The following NSA2 variants were observed in gnomAD, a reference collection of about 807,000 sequenced individuals.
The protein encoded by NSA2 is ribosome biogenesis protein NSA2 homolog.
In NSA2, 18 loss-of-function variants were observed where a neutral mutation model predicts 34.8. That is an observed-to-expected ratio of 0.52 (90% CI 0.36 to 0.77). NSA2 has a LOEUF of 0.77. Ranked by LOEUF, NSA2 falls within the 30% of genes least tolerant of loss-of-function variation. The probability of loss-of-function intolerance (pLI) is 0.00; values close to 1 mark genes in which losing one functional copy is unlikely to be tolerated. For synonymous variants in NSA2, 79 were observed against 100.2 expected, an observed-to-expected ratio of 0.79 and a Z score of 1.26; for missense variants, 188 against 314.7, an observed-to-expected ratio of 0.60 and a Z score of 3.05.
At chr5:74,774,436 T>G (rs1300889811) in intron 5 of NSA2, among the ~76,000 whole-genome samples, 1 of 151,776 alleles carries the variant, frequency 6.6e-6, no homozygotes, top group Non-Finnish European at 1.5e-5. Flanking sequence ...ACCCCACCTC[T>G]ACTAAAAATA....
intron 4 of NSA2, among the ~76,000 whole-genome samples, chr5:74,771,220 C>T (rs533957488): frequency 4.4e-4 from 66 of 150,492 alleles, no homozygotes; most frequent in Non-Finnish European, 8.4e-4. Flanking sequence ...GCGGAGGTTG[C>T]AGTGAGCTGA....
chr5:74,779,621 CTTT>C lies in NSA2; in HGVS notation c.*2960_*2962del, dbSNP rs1226349220. ...GGTAGATTCACTAATAGTAGTCATACTTTTTTTTTTTTACTTAGTATTAGCATT... is the reference window on the plus strand; with the variant it reads ...GGTAGATTCACTAATAGTAGTCATACTTTTTTTTTACTTAGTATTAGCATT... On this transcript the variant is annotated 3_prime_UTR_variant, in exon 6 of 6. Transcript: ENST00000610426. 2.1e-5 allele frequency: 3 copies of C among 144,992 alleles called. No homozygotes were observed. Among genetic ancestry groups the C allele is most frequent in the African/African-American group, 7.5e-5 (3 of 39,762 alleles). The allele number at this position is 144,992 out of a possible 1,614,324, so 9.0% of individuals were successfully genotyped here.
chr5:74,774,109 G>T, intron 5 of NSA2, 49 bp downstream of exon 5: 1 of 1,274,790 alleles, frequency 7.8e-7, no homozygotes. Context: ...AGTACTAATA[G>T]AAATACTATT....
chr5:74,776,057 T>C (rs1422433627), intron 5 of NSA2, among the ~76,000 whole-genome samples: 3 of 152,350 alleles, frequency 2.0e-5, no homozygotes, highest in Non-Finnish European at 4.4e-5. Context: ...AATGTACTAA[T>C]AACATGGAGC....
rs1451665646 is a variant in NSA2, at chr5:74,779,130, C to T, written c.*2459C>T. The stretch of plus-strand genomic sequence containing the variant: ...GAACAAAAAACTTCTAAATTGTTTA[C>T]AATTCACTTACTATTTAACCCAAAC... On this transcript the variant is annotated 3_prime_UTR_variant, in exon 6 of 6. Coordinates refer to ENST00000610426, the MANE Select transcript of NSA2 (RefSeq NM_014886.6). 1 of 152,060 alleles carries T rather than the reference C, an allele frequency of 6.6e-6. No individual in the cohort carries two copies. Among genetic ancestry groups the T allele is most frequent in the East Asian group, 1.9e-4 (1 of 5,200 alleles). The allele number at this position is 152,060 out of a possible 1,614,324, so 9.4% of individuals were successfully genotyped here. A position where few individuals can be genotyped will look rare whatever the true frequency, so the allele number is the denominator to read the frequency against.
chr5:74,774,092 G>A (rs1278710690), intron 5 of NSA2, 32 bp downstream of exon 5: 1 of 1,455,284 alleles, frequency 6.9e-7, no homozygotes, highest in African/African-American at 1.4e-5. Flanking sequence ...GGGCTGCTGT[G>A]TTCTGCAGTA....
In NSA2 at chr5:74,776,155, CATTT is replaced by C. The variant is rs1295773692; in HGVS notation, c.716-446_716-443del. On this transcript the variant is annotated intron_variant, in intron 5 of 5. Transcript: ENST00000610426. Reference sequence around the variant, plus strand: ...TAAATGATTGAATTTTGTAAAATCTCATTTATCCTTTATGGTTCATTTCTTATTT... The same window carrying C: ...TAAATGATTGAATTTTGTAAAATCTCATCCTTTATGGTTCATTTCTTATTT... Among the ~76,000 whole-genome samples the C allele has an allele frequency of 2.0e-5, 3 of 152,272 alleles. No homozygotes were observed. The East Asian group carries it at 5.8e-4, about 29-fold the overall frequency.
chr5:74,770,545 A>T (rs1744883125), intron 3 of NSA2, 86 bp from the exon 4 acceptor site: 1 of 1,103,288 alleles, frequency 9.1e-7, no homozygotes. Context: ...AAATAGATCT[A>T]TTACTTTGTA....
At chr5:74,774,461 G>A (rs1172388243) in intron 5 of NSA2, among the ~76,000 whole-genome samples, 6 of 152,142 alleles carry the variant, frequency 3.9e-5, no homozygotes, top group South Asian at 2.1e-4. Flanking sequence ...AAAATCAGCC[G>A]GGTGTGGTGG....
Position 74,767,369 on chromosome 5 carries a change from G to T in NSA2, c.3+6G>T. On this transcript the variant is annotated splice_donor_region_variant and intron_variant, in intron 1 of 5. Coordinates refer to ENST00000610426, the MANE Select transcript of NSA2 (RefSeq NM_014886.6). Reference sequence around the variant, plus strand: ...GCTCTGCGGCCGTCACCATGGTAAGGAGGATGCCTCGGACGCTCGCGACAC... The same window carrying T: ...GCTCTGCGGCCGTCACCATGGTAAGTAGGATGCCTCGGACGCTCGCGACAC... The T allele has an allele frequency of 6.2e-7, 1 of 1,613,166 alleles. No individual in the cohort carries two copies.
intron 5 of NSA2, among the ~76,000 whole-genome samples, chr5:74,775,110 G>T (rs910177708): frequency 1.3e-5 from 2 of 152,118 alleles, no homozygotes; most frequent in Non-Finnish European, 2.9e-5. Flanking sequence ...CAGCTGCTCC[G>T]GTGGCTGAGG....
At chr5:74,775,880 G>A (rs549530185) in intron 5 of NSA2, among the ~76,000 whole-genome samples, 10 of 152,064 alleles carry the variant, frequency 6.6e-5, no homozygotes, top group African/African-American at 1.9e-4. Flanking sequence ...AAGAATACAC[G>A]CTACAACTTC....
At position 74,777,590 on chromosome 5, in the gene NSA2, A is replaced by G. The variant is rs1355907773; in HGVS notation, c.*919A>G. ...ATCACCACATTGTTTTAAATTGTTT[A>G]TTTTTTTTTTAAAGAAGTCTGTCTT... On this transcript the variant is annotated 3_prime_UTR_variant, in exon 6 of 6. Coordinates refer to ENST00000610426, the MANE Select transcript of NSA2 (RefSeq NM_014886.6). The G allele has an allele frequency of 6.7e-6, 1 of 150,206 alleles. No homozygotes were observed. The highest frequency in any genetic ancestry group is 1.9e-4 in the East Asian group (1 of 5,152). 9.3% of individuals were successfully genotyped at this position (150,206 alleles called of 1,614,324 possible). A position where few individuals can be genotyped will look rare whatever the true frequency, so the allele number is the denominator to read the frequency against.
rs1745165114 is a variant in NSA2, at chr5:74,777,253, C to T, written c.*582C>T. On this transcript the variant is annotated 3_prime_UTR_variant, in exon 6 of 6. Transcript: ENST00000610426. ...CATTTACCATGTATAATAATACCTA[C>T]TTGGCACTATTTTCTACTTGAATCA... is the stretch of plus-strand genomic sequence containing the variant. The T allele has an allele frequency of 6.6e-6, 1 of 152,020 alleles. No individual in the cohort carries two copies. The highest frequency in any genetic ancestry group is 1.5e-5 in the Non-Finnish European group (1 of 67,970). The allele number at this position is 152,020 out of a possible 1,614,324, so 9.4% of individuals were successfully genotyped here. A position where few individuals can be genotyped will look rare whatever the true frequency, so the allele number is the denominator to read the frequency against.
At chr5:74,773,384 G>C (rs1037655017) in intron 4 of NSA2, among the ~76,000 whole-genome samples, 6 of 150,698 alleles carry the variant, frequency 4.0e-5, no homozygotes, top group African/African-American at 1.5e-4. Context: ...TGTAATCCCA[G>C]CACTTTGGGA....
At chr5:74,772,290 AATTTTTTTGT>A (rs1293386498) in intron 4 of NSA2, among the ~76,000 whole-genome samples, 4 of 151,820 alleles carry the variant, frequency 2.6e-5, no homozygotes, top group African/African-American at 7.3e-5. Flanking sequence ...ACGCCCGGCT[AATTTTTTTGT>A]ATTTTTTTGT....
At chr5:74,771,311 A>G (rs1744919451) in intron 4 of NSA2, among the ~76,000 whole-genome samples, 1 of 152,058 alleles carries the variant, frequency 6.6e-6, no homozygotes, top group South Asian at 2.1e-4. Flanking sequence ...CAGCTTCGTG[A>G]GAGATTTGAA....
intron 4 of NSA2, 54 bp from the exon 5 acceptor site, chr5:74,773,814 A>G (rs1188666924): frequency 1.4e-6 from 2 of 1,440,656 alleles, no homozygotes; most frequent in African/African-American, 2.8e-5. Context: ...ACCACTACTC[A>G]TCACTGTTAA....
chr5:74,773,181 G>A (rs1213440224), intron 4 of NSA2, among the ~76,000 whole-genome samples: 1 of 152,204 alleles, frequency 6.6e-6, no homozygotes, highest in African/African-American at 2.4e-5. Flanking sequence ...AAACAGAGGA[G>A]AGGGGATGTG....
Sources: gnomAD v4.1 joint callset for allele counts (sites outside exome capture counted in the v4.1 genomes callset) on GRCh38, gnomAD v4.1.1 for gene constraint, MANE v1.5 for transcripts, NCBI Gene and HGNC (gene_info 2026-07-23, HGNC 2026-07-21) for gene names.